KCNK12: variants seen among roughly 807,000 people sequenced by gnomAD.
KCNK12 encodes potassium channel subfamily K member 12.
A neutral mutation model predicts 25.3 loss-of-function variants in KCNK12; 6 were observed. The observed-to-expected ratio is 0.24, with a 90% CI of 0.13 to 0.47. The LOEUF is 0.47. Ranked by LOEUF, KCNK12 falls within the 20% of genes least tolerant of loss-of-function variation. KCNK12 has a pLI of 0.99. For missense variants in KCNK12, 444 were observed against 661.7 expected (o/e 0.67, Z 3.61); for synonymous variants, 331 against 311.1 (o/e 1.06, Z -0.67).
At position 47,509,355 on chromosome 2, in the gene KCNK12, G is replaced by A. The variant is rs1349379411; in HGVS notation, c.*11552C>T. 6.6e-6 allele frequency among the ~76,000 whole-genome samples: 1 copy of A among 152,250 alleles called. No individual in the cohort carries two copies. Among genetic ancestry groups the A allele is most frequent in the East Asian group, 1.9e-4 (1 of 5,208 alleles). Reference sequence around the variant, plus strand: ...CCTGATTCAGGCCAGGGTCTTGGAAGGTTGTTCAGGATGAGATGGGGGAGG... The same window carrying A: ...CCTGATTCAGGCCAGGGTCTTGGAAAGTTGTTCAGGATGAGATGGGGGAGG... On this transcript the variant is annotated 3_prime_UTR_variant, in exon 2 of 2. Coordinates refer to ENST00000327876, the MANE Select transcript of KCNK12 (RefSeq NM_022055.2).
intron 1 of KCNK12, 108 bp from the exon 2 acceptor site, chr2:47,521,916 TATCTC>T (rs1668665543): frequency 1.1e-6 from 1 of 904,558 alleles, no homozygotes; most frequent in African/African-American, 1.7e-5. Flanking sequence ...GCGCGGCTCC[TATCTC>T]GAGTGGCACC....
intron 1 of KCNK12, among the ~76,000 whole-genome samples, chr2:47,552,440 A>G (rs894060918): frequency 3.9e-5 from 6 of 152,050 alleles, no homozygotes; most frequent in African/African-American, 1.4e-4. Context: ...CCATTATGAG[A>G]CATGCCCACA....
rs1669165909 is a variant in KCNK12, at chr2:47,540,187, G to A, written c.392-18379C>T. The stretch of plus-strand genomic sequence containing the variant: ...ACAAAGGGTGGAGCAGGGAAGAGAA[G>A]GCCTCACCGGGCAGACCTATCTTGG... On this transcript the variant is annotated intron_variant, in intron 1 of 1. Coordinates refer to ENST00000327876, the MANE Select transcript of KCNK12 (RefSeq NM_022055.2). This position sits in a 1 kb window ranked among gnomAD's most constrained non-coding sequence, Gnocchi z 5.4. Among the ~76,000 whole-genome samples, 1 of 152,196 alleles carries A rather than the reference G, an allele frequency of 6.6e-6. No individual in the cohort carries two copies. The highest frequency in any genetic ancestry group is 2.4e-5 in the African/African-American group (1 of 41,448).
At chr2:47,532,226 A>AT (rs973182865) in intron 1 of KCNK12, among the ~76,000 whole-genome samples, 10 of 114,472 alleles carry the variant, frequency 8.7e-5, no homozygotes, top group Non-Finnish European at 1.5e-4. Context: ...TGTAAATAGC[A>AT]TAAAAAAAAA....
intron 1 of KCNK12, among the ~76,000 whole-genome samples, chr2:47,553,679 C>T (rs73929216): frequency 6.6e-6 from 1 of 152,336 alleles, no homozygotes; most frequent in African/African-American, 2.4e-5. Context: ...TCACATTACA[C>T]CCCTGTTCAA....
rs1029869053 is a variant in KCNK12 at position 47,565,765 on chromosome 2, A to C, written c.391+4176T>G. 1 of 152,244 alleles carries C rather than the reference A, an allele frequency of 6.6e-6. No individual in the cohort carries two copies. The highest frequency in any genetic ancestry group is 1.5e-5 in the Non-Finnish European group (1 of 68,044). 9.4% of individuals were successfully genotyped at this position (152,244 alleles called of 1,614,324 possible). A position where few individuals can be genotyped will look rare whatever the true frequency, so the allele number is the denominator to read the frequency against. On this transcript the variant is annotated intron_variant, in intron 1 of 1. Coordinates refer to ENST00000327876, the MANE Select transcript of KCNK12 (RefSeq NM_022055.2). The surrounding 1 kb of genome is among the most constrained non-coding windows in gnomAD (Gnocchi z 5.0). ...TAATTCTGTTTGGATTGTTTGGAAT[A>C]TCTCTGAGCTGGAATACTGTCTTCA...
intron 1 of KCNK12, chr2:47,535,241 C>A (rs1669040538): frequency 1.3e-5 from 3 of 233,066 alleles, no homozygotes; most frequent in Non-Finnish European, 2.5e-5. Flanking sequence ...CAGGGAGGTG[C>A]TCTAGAGGCC....
intron 1 of KCNK12, among the ~76,000 whole-genome samples, chr2:47,539,909 G>A (rs1433498209): frequency 6.6e-6 from 1 of 152,166 alleles, no homozygotes; most frequent in African/African-American, 2.4e-5. Context: ...ACTTGCCCAC[G>A]TATGAGTACA....
rs1470172458 is a variant in KCNK12, at chr2:47,570,211, G to A, written c.121C>T (p.Leu41=). ...HLNEDTGRFV[L]LAALIGLYLV... ...TAGAGGCCGATGAGCGCCGCCAGCA[G>A]CACGAAGCGGCCGGTGTCCTCGTTG... is the stretch of plus-strand genomic sequence containing the variant. The change falls in exon 1 of 2, where the codon CTG becomes TTG. Residue 41 remains leucine (L), a synonymous_variant. Coordinates refer to ENST00000327876, the MANE Select transcript of KCNK12 (RefSeq NM_022055.2). 38 of 1,494,118 alleles carry A rather than the reference G, an allele frequency of 2.5e-5. No homozygotes were observed. Among genetic ancestry groups the A allele is most frequent in the Non-Finnish European group, 3.3e-5 (37 of 1,125,900 alleles). The allele number at this position is 1,494,118 out of a possible 1,614,324, so 92.6% of individuals were successfully genotyped here. A position where few individuals can be genotyped will look rare whatever the true frequency, so the allele number is the denominator to read the frequency against.
rs1669640876 is a variant in KCNK12 at position 47,560,486 on chromosome 2, AGACCCCAGGCT to A, written c.391+9444_391+9454del. Among the ~76,000 whole-genome samples, 1 of 152,126 alleles carries A rather than the reference AGACCCCAGGCT, an allele frequency of 6.6e-6. No homozygotes were observed. Among genetic ancestry groups the A allele is most frequent in the Admixed American group, 6.5e-5 (1 of 15,274 alleles). On this transcript the variant is annotated intron_variant, in intron 1 of 1. Coordinates refer to ENST00000327876, the MANE Select transcript of KCNK12 (RefSeq NM_022055.2). This position sits in a 1 kb window ranked among gnomAD's most constrained non-coding sequence, Gnocchi z 4.7. ...TCCTCCTCCACCCACACAACCCTGC[AGACCCCAGGCT>A]GGGCTATGGTTCTTCCCCCTCTGTG...
Position 47,562,137 on chromosome 2 carries a change from G to A in KCNK12, c.391+7804C>T. The A allele has an allele frequency of 2.5e-6, 1 of 398,634 alleles. No homozygotes were observed. Among genetic ancestry groups the A allele is most frequent in the Non-Finnish European group, 4.4e-6 (1 of 226,090 alleles). The allele number at this position is 398,634 out of a possible 1,614,324, so 24.7% of individuals were successfully genotyped here. A position where few individuals can be genotyped will look rare whatever the true frequency, so the allele number is the denominator to read the frequency against. On this transcript the variant is annotated intron_variant, in intron 1 of 1. Transcript: ENST00000327876. This position sits in a 1 kb window ranked among gnomAD's most constrained non-coding sequence, Gnocchi z 4.8. ...GCATTGCCAGGAGCTCATGAGGAAT[G>A]CAGACTGTCAGGTCCCACCCCAGAC... is the stretch of plus-strand genomic sequence containing the variant.
At position 47,514,809 on chromosome 2, in the gene KCNK12, G is replaced by A. The variant is rs1227580701; in HGVS notation, c.*6098C>T. ...GTATTTTTAGTAAAGACAGGGTTTC[G>A]ACATGTTGCCTAGGCTGGTCTCGAA... On this transcript the variant is annotated 3_prime_UTR_variant, in exon 2 of 2. Coordinates refer to ENST00000327876, the MANE Select transcript of KCNK12 (RefSeq NM_022055.2). The surrounding 1 kb of genome is among the most constrained non-coding windows in gnomAD (Gnocchi z 5.0). Among the ~76,000 whole-genome samples, 3 of 151,882 alleles carry A rather than the reference G, an allele frequency of 2.0e-5. No individual in the cohort carries two copies. The highest frequency in any genetic ancestry group is 7.3e-5 in the African/African-American group (3 of 41,336).
intron 1 of KCNK12, chr2:47,534,909 AG>A: frequency 9.3e-6 from 2 of 214,036 alleles, no homozygotes; most frequent in East Asian, 1.4e-4. Context: ...TGGTTTGTAA[AG>A]CAACAAATCC....
At chr2:47,567,146 C>T (rs555161549) in intron 1 of KCNK12, 43 of 152,306 alleles carry the variant, frequency 2.8e-4, no homozygotes, top group African/African-American at 1.0e-3. Flanking sequence ...CACACACATA[C>T]GTATGTCCTT....
In KCNK12 at chr2:47,562,345, G is replaced by A. The variant is rs1669690415; in HGVS notation, c.391+7596C>T. The A allele has an allele frequency of 5.3e-6, 2 of 374,108 alleles. No homozygotes were observed. Among genetic ancestry groups the A allele is most frequent in the Admixed American group, 4.6e-5 (1 of 21,862 alleles). 23.2% of individuals were successfully genotyped at this position (374,108 alleles called of 1,614,324 possible). ...CAAGATTCTGGATGCTTCATCCTGA[G>A]GTCACCTTGGAATGAGATCCTCTGG... On this transcript the variant is annotated intron_variant, in intron 1 of 1. Transcript: ENST00000327876. This position sits in a 1 kb window ranked among gnomAD's most constrained non-coding sequence, Gnocchi z 4.8.
At chr2:47,521,884 G>T in intron 1 of KCNK12, 76 bp from the exon 2 acceptor site, 3 of 1,144,614 alleles carry the variant, frequency 2.6e-6, no homozygotes, top group East Asian at 3.0e-5. Flanking sequence ...GGGGGTGTGG[G>T]GGCGGGGGCA....
Position 47,528,808 on chromosome 2 carries a change from G to A in KCNK12, c.392-7000C>T, listed in dbSNP as rs1384426893. On this transcript the variant is annotated intron_variant, in intron 1 of 1. Transcript: ENST00000327876. This position sits in a 1 kb window ranked among gnomAD's most constrained non-coding sequence, Gnocchi z 4.5. ...ATGGGGCCCTGGTGATGGGGCCTTC[G>A]GAGTTCAGCTCAGAGAGCATGGAAG... is the stretch of plus-strand genomic sequence containing the variant. Among the ~76,000 whole-genome samples the A allele has an allele frequency of 1.3e-5, 2 of 152,210 alleles. No individual in the cohort carries two copies. The highest frequency in any genetic ancestry group is 6.5e-5 in the Admixed American group (1 of 15,288).
intron 1 of KCNK12, among the ~76,000 whole-genome samples, chr2:47,541,667 C>G (rs1202560930): frequency 1.3e-5 from 2 of 152,088 alleles, no homozygotes; most frequent in Non-Finnish European, 2.9e-5. Context: ...AGGGTGAGCC[C>G]TAATCCAATA....
chr2:47,523,410 C>T (rs1226961172), intron 1 of KCNK12, among the ~76,000 whole-genome samples: 2 of 152,244 alleles, frequency 1.3e-5, no homozygotes, highest in Non-Finnish European at 2.9e-5. Context: ...GGCTCTGGCC[C>T]AGCTGGGTCC....
Sources: gnomAD v4.1 joint callset for allele counts (sites outside exome capture counted in the v4.1 genomes callset) on GRCh38, gnomAD v4.1.1 for gene constraint, Gnocchi (gnomAD v3.1) non-coding constraint, MANE v1.5 for transcripts, NCBI Gene and HGNC (gene_info 2026-07-23, HGNC 2026-07-21) for gene names.